Variants in RSRC1 observed in about 807,000 individuals in gnomAD.
RSRC1 encodes the protein serine/Arginine-related protein 53.
Under a neutral mutation model 49.1 loss-of-function variants are expected in RSRC1, and 39 were observed. That is an observed-to-expected ratio of 0.79 (90% CI 0.61 to 1.04). The LOEUF is 1.04. Ranked by LOEUF, RSRC1 falls within the 50% of genes least tolerant of loss-of-function variation. The pLI, the probability that RSRC1 is intolerant of heterozygous loss-of-function variation, is 0.00. For synonymous variants in RSRC1, 143 were observed against 130.8 expected (o/e 1.09, Z -0.63); for missense variants, 388 against 402.4 (o/e 0.96, Z 0.31).
intron 4 of RSRC1, among the ~76,000 whole-genome samples, chr3:158,234,288 A>G (rs1723120518): frequency 6.6e-6 from 1 of 152,162 alleles, no homozygotes; most frequent in African/African-American, 2.4e-5. Flanking sequence ...AGTAATGAAG[A>G]CAGAGTTTAA....
chr3:158,397,999 G>A (rs567343716), intron 6 of RSRC1, among the ~76,000 whole-genome samples: 3 of 152,154 alleles, frequency 2.0e-5, no homozygotes, highest in South Asian at 4.1e-4. Flanking sequence ...GATGGGATGC[G>A]TACTGCGACT....
intron 1 of RSRC1, among the ~76,000 whole-genome samples, chr3:158,113,138 C>G (rs1559904240): frequency 6.6e-6 from 1 of 152,006 alleles, no homozygotes; most frequent in Non-Finnish European, 1.5e-5. Flanking sequence ...AGAATGATTT[C>G]TATTCCTTTG....
intron 7 of RSRC1, among the ~76,000 whole-genome samples, chr3:158,482,106 T>C (rs1414170667): frequency 6.6e-6 from 1 of 152,020 alleles, no homozygotes; most frequent in Non-Finnish European, 1.5e-5. Context: ...TTGTCTTTGT[T>C]TTTCCCTCAA....
At chr3:158,519,947 G>A (rs999649161) in intron 7 of RSRC1, among the ~76,000 whole-genome samples, 1 of 151,916 alleles carries the variant, frequency 6.6e-6, no homozygotes, top group Non-Finnish European at 1.5e-5. Flanking sequence ...TGACCAGTGA[G>A]GAAAAGGAAA....
chr3:158,347,883 A>T (rs900383405), intron 5 of RSRC1, among the ~76,000 whole-genome samples: 13 of 152,092 alleles, frequency 8.5e-5, no homozygotes, highest in Non-Finnish European at 1.2e-4. Context: ...TATTTTTTTT[A>T]AAAAAATTGA....
chr3:158,355,649 A>G (rs1277261898), intron 6 of RSRC1, among the ~76,000 whole-genome samples: 1 of 152,034 alleles, frequency 6.6e-6, no homozygotes, highest in South Asian at 2.1e-4. Context: ...GACATTAAAT[A>G]CTTTACTTTT....
intron 4 of RSRC1, among the ~76,000 whole-genome samples, chr3:158,217,764 GT>G (rs970885424): frequency 6.4e-4 from 73 of 113,262 alleles, no homozygotes; most frequent in African/African-American, 2.4e-3. Flanking sequence ...GTGTGTGTGT[GT>G]GGGGGGGGAA....
chr3:158,324,477 G>C (rs918387033), intron 5 of RSRC1, among the ~76,000 whole-genome samples: 6 of 152,098 alleles, frequency 3.9e-5, no homozygotes, highest in Non-Finnish European at 8.8e-5. Context: ...GTGAGAACAT[G>C]AGGTGTTTGG....
chr3:158,369,158 T>A (rs1258007279), intron 6 of RSRC1, among the ~76,000 whole-genome samples: 1 of 152,122 alleles, frequency 6.6e-6, no homozygotes, highest in Non-Finnish European at 1.5e-5. Flanking sequence ...TTTCACATAT[T>A]TTAAATAATT....
chr3:158,474,339 T>C (rs553845274), intron 7 of RSRC1, among the ~76,000 whole-genome samples: 19 of 152,334 alleles, frequency 1.2e-4, no homozygotes, highest in Non-Finnish European at 1.3e-4. Flanking sequence ...TAAAAACCAA[T>C]GTACATACCT....
chr3:158,501,876 A>G (rs772158986), intron 7 of RSRC1, among the ~76,000 whole-genome samples: 14 of 152,100 alleles, frequency 9.2e-5, no homozygotes, highest in Non-Finnish European at 1.8e-4. Context: ...TGTGAGGTAC[A>G]GTTGCATTCA....
chr3:158,225,750 A>G (rs1183586164), intron 4 of RSRC1: 1 of 435,266 alleles, frequency 2.3e-6, no homozygotes, highest in Non-Finnish European at 4.5e-6. Flanking sequence ...AAACCTATAC[A>G]AGCCCTTAGA....
intron 6 of RSRC1, among the ~76,000 whole-genome samples, chr3:158,429,820 T>C (rs999683224): frequency 6.6e-5 from 10 of 151,050 alleles, no homozygotes; most frequent in African/African-American, 1.9e-4. Flanking sequence ...ATGAGATGGG[T>C]AAAATAGTCA....
intron 3 of RSRC1, among the ~76,000 whole-genome samples, chr3:158,195,020 G>A (rs2108268241): frequency 6.6e-6 from 1 of 152,202 alleles, no homozygotes; most frequent in Admixed American, 6.5e-5. Context: ...CCCAGTAATG[G>A]GATGGCTGGG....
At chr3:158,300,878 G>C (rs1727505780) in intron 5 of RSRC1, among the ~76,000 whole-genome samples, 1 of 152,052 alleles carries the variant, frequency 6.6e-6, no homozygotes, top group Non-Finnish European at 1.5e-5. Flanking sequence ...AGGTAACATA[G>C]TTGCCCTGTT....
intron 3 of RSRC1, among the ~76,000 whole-genome samples, chr3:158,158,204 A>G (rs2108221096): frequency 6.6e-6 from 1 of 152,324 alleles, no homozygotes; most frequent in South Asian, 2.1e-4. Context: ...TGTGCCTTCA[A>G]ACACAGTTGA....
intron 6 of RSRC1, among the ~76,000 whole-genome samples, chr3:158,444,202 C>T (rs1457724259): frequency 6.6e-6 from 1 of 152,156 alleles, no homozygotes; most frequent in Non-Finnish European, 1.5e-5. Flanking sequence ...ATTGCCAAGA[C>T]AATCCTAAGC....
At chr3:158,401,267 G>A (rs1733882899) in intron 6 of RSRC1, among the ~76,000 whole-genome samples, 1 of 151,896 alleles carries the variant, frequency 6.6e-6, no homozygotes, top group Non-Finnish European at 1.5e-5. Context: ...TTCTTTCTGT[G>A]GCTGAGTTTT....
intron 3 of RSRC1, among the ~76,000 whole-genome samples, chr3:158,202,583 T>TATA (rs1359595103): frequency 5.0e-5 from 7 of 140,514 alleles, no homozygotes; most frequent in African/African-American, 8.2e-5. Flanking sequence ...TATATATATG[T>TATA]TTTATCAATA....
Sources: gnomAD v4.1 joint callset for allele counts (sites outside exome capture counted in the v4.1 genomes callset) on GRCh38, gnomAD v4.1.1 for gene constraint, MANE v1.5 for transcripts, NCBI Gene and HGNC (gene_info 2026-07-23, HGNC 2026-07-21) for gene names.